Variants in ABCC4 observed in about 807,000 individuals in gnomAD.
ABCC4 encodes the protein ATP-binding cassette sub-family C member 4.
In ABCC4, 102 loss-of-function variants were observed where a neutral mutation model predicts 168.5. That is an observed-to-expected ratio of 0.61 (90% CI 0.52 to 0.71). ABCC4 has a LOEUF of 0.71. ABCC4 is among the 30% of genes least tolerant of loss of function. The pLI, the probability that ABCC4 is intolerant of heterozygous loss-of-function variation, is 0.00. For missense variants in ABCC4, 1,402 were observed against 1,605.8 expected (o/e 0.87, Z 2.17); for synonymous variants, 617 against 590.7 (o/e 1.04, Z -0.65).
At chr13:95,169,492 C>T (rs1218715553) in intron 14 of ABCC4, among the ~76,000 whole-genome samples, 1 of 152,184 alleles carries the variant, frequency 6.6e-6, no homozygotes, top group Admixed American at 6.5e-5. Context: ...GCTTGCTCTG[C>T]TCCTCCCTGA....
intron 25 of ABCC4, among the ~76,000 whole-genome samples, chr13:95,067,449 T>G (rs913657394): frequency 1.3e-5 from 2 of 152,168 alleles, no homozygotes; most frequent in African/African-American, 4.8e-5. Context: ...GGAAGTTTCT[T>G]GGAAATCACA....
At chr13:95,216,420 G>A (rs1224859810) in intron 4 of ABCC4, among the ~76,000 whole-genome samples, 1 of 151,898 alleles carries the variant, frequency 6.6e-6, no homozygotes, top group African/African-American at 2.4e-5. Context: ...TTTTCCCTGT[G>A]AAAACAAAAT....
chr13:95,285,197 G>C (rs112675015), intron 1 of ABCC4, among the ~76,000 whole-genome samples: 1,985 of 152,002 alleles, frequency 0.013, 42 homozygotes, highest in African/African-American at 0.045. Context: ...GCAATGAGCT[G>C]AGATCACACC....
At position 95,271,896 on chromosome 13, in the gene ABCC4, T is replaced by C. The variant is rs146506829; in HGVS notation, c.75-24143A>G. Among the ~76,000 whole-genome samples the C allele has an allele frequency of 2.9e-3, 443 of 152,282 alleles. 1 individual carries two copies. The highest frequency in any genetic ancestry group is 0.01 in the African/African-American group (426 of 41,558). ...TAACCACCCAAGAAGTCTGATCACATGCCTCTCCCCACCAACTTTAAGAAA... is the reference window on the plus strand; with the variant it reads ...TAACCACCCAAGAAGTCTGATCACACGCCTCTCCCCACCAACTTTAAGAAA... On this transcript the variant is annotated intron_variant, in intron 1 of 30. Transcript: ENST00000645237.
intron 8 of ABCC4, among the ~76,000 whole-genome samples, chr13:95,206,125 G>A (rs762987758): frequency 1.2e-4 from 18 of 152,304 alleles, no homozygotes; most frequent in Non-Finnish European, 7.4e-5. Flanking sequence ...TGACCAAGAA[G>A]CAGAGACCCC....
chr13:95,241,532 C>A (rs879415762), intron 3 of ABCC4, among the ~76,000 whole-genome samples: 2 of 152,066 alleles, frequency 1.3e-5, no homozygotes, highest in Admixed American at 6.5e-5. Context: ...CTCCTGCCCC[C>A]CCTGCAGGCT....
chr13:95,174,701 G>A (rs528525764), intron 13 of ABCC4, among the ~76,000 whole-genome samples: 5 of 152,200 alleles, frequency 3.3e-5, no homozygotes, highest in Non-Finnish European at 5.9e-5. Context: ...GCGTCCCACC[G>A]GGAATTGTTG....
chr13:95,218,921 AAGAAAG>A (rs1487513535), intron 4 of ABCC4, among the ~76,000 whole-genome samples: 633 of 24,754 alleles, frequency 0.026, 20 homozygotes, highest in Non-Finnish European at 0.044. Context: ...GAGAGAGAGA[AAGAAAG>A]AGAAAGAAAG....
intron 19 of ABCC4, among the ~76,000 whole-genome samples, chr13:95,144,282 G>C (rs2036415373): frequency 4.3e-5 from 4 of 92,498 alleles, no homozygotes. Context: ...TATAGGAATG[G>C]GCGACATAAC....
Position 95,244,904 on chromosome 13 carries a change from G to A in ABCC4, c.306+2071C>T, listed in dbSNP as rs972478086. 6.9e-4 allele frequency among the ~76,000 whole-genome samples: 67 copies of A among 97,652 alleles called. 1 individual carries two copies. The highest frequency in any genetic ancestry group is 3.1e-3 in the African/African-American group (63 of 20,252). The allele number at this position is 97,652 out of a possible 152,430, so 64.1% of individuals were successfully genotyped here. ...GCCATGACTGCCCAATAACCACCCC[G>A]CTAAAAGACCAGCTCTCCACCAACT... On this transcript the variant is annotated intron_variant, in intron 3 of 30. Transcript: ENST00000645237.
intron 25 of ABCC4, among the ~76,000 whole-genome samples, chr13:95,065,158 C>T (rs2033484555): frequency 6.6e-6 from 1 of 152,210 alleles, no homozygotes; most frequent in Non-Finnish European, 1.5e-5. Context: ...AGGCTCAAAA[C>T]ACCCATCTCC....
At chr13:95,204,405 G>C (rs572222263) in intron 8 of ABCC4, among the ~76,000 whole-genome samples, 20 of 151,964 alleles carry the variant, frequency 1.3e-4, no homozygotes, top group African/African-American at 4.4e-4. Context: ...CACGTGTCAA[G>C]GGTGGGACCA....
intron 30 of ABCC4, among the ~76,000 whole-genome samples, chr13:95,033,206 T>C (rs550622725): frequency 6.6e-6 from 1 of 152,262 alleles, no homozygotes; most frequent in South Asian, 2.1e-4. Context: ...TTGTCTGTAA[T>C]AGATATTTAA....
At position 95,177,777 on chromosome 13, in the gene ABCC4, C is replaced by T. The variant is rs758894016; in HGVS notation, c.1657G>A (p.Ala553Thr). 6.2e-7 allele frequency: 1 copy of T among 1,610,908 alleles called. No homozygotes were observed. The highest frequency in any genetic ancestry group is 8.5e-7 in the Non-Finnish European group (1 of 1,177,408). ...VNLARAVYQD[A>T]DIYLLDDPLS... The stretch of plus-strand genomic sequence containing the variant: ...GGATCGTCCAGGAGATAGATGTCAG[C>T]ATCTTGATACACTGCTCTAGAAAAT... The change falls in exon 13 of 31, where the codon GCT becomes ACT. Residue 553 changes from alanine (A) to threonine (T), a missense_variant. By Grantham distance (58) the Ala-to-Thr change is moderately conservative (BLOSUM62 0). Coordinates refer to ENST00000645237, the MANE Select transcript of ABCC4 (RefSeq NM_005845.5).
intron 26 of ABCC4, among the ~76,000 whole-genome samples, chr13:95,059,190 A>G (rs2033190289): frequency 6.6e-6 from 1 of 152,336 alleles, no homozygotes; most frequent in African/African-American, 2.4e-5. Context: ...AGGATCTGGC[A>G]TTGAGATTCG....
chr13:95,255,523 C>T (rs2040371495), intron 1 of ABCC4, among the ~76,000 whole-genome samples: 3 of 152,182 alleles, frequency 2.0e-5, no homozygotes, highest in Admixed American at 6.5e-5. Context: ...CACAGGTGTT[C>T]TCAACATGGT....
At chr13:95,131,309 A>G (rs1430680988) in intron 19 of ABCC4, among the ~76,000 whole-genome samples, 1 of 152,146 alleles carries the variant, frequency 6.6e-6, no homozygotes, top group East Asian at 1.9e-4. Context: ...CACAGGCTCC[A>G]TCACATGGGC....
intron 24 of ABCC4, among the ~76,000 whole-genome samples, chr13:95,072,188 C>T (rs934592929): frequency 3.9e-5 from 6 of 152,200 alleles, no homozygotes; most frequent in Admixed American, 6.5e-5. Context: ...TGGCTGGGCG[C>T]GGTGGCTCAT....
In ABCC4 at chr13:95,096,882, T is replaced by C. The variant is rs969514329; in HGVS notation, c.2536-13592A>G. Among the ~76,000 whole-genome samples, 56 of 152,056 alleles carry C rather than the reference T, an allele frequency of 3.7e-4. 1 individual carries two copies. The highest frequency in any genetic ancestry group is 3.0e-3 in the Admixed American group (46 of 15,272). ...AATAAAGAGCACTGGAAAGGACAAA[T>C]ATGTGAATAAATATAAAACACAATT... is the stretch of plus-strand genomic sequence containing the variant. On this transcript the variant is annotated intron_variant, in intron 20 of 30. Coordinates refer to ENST00000645237, the MANE Select transcript of ABCC4 (RefSeq NM_005845.5).
Sources: allele counts gnomAD v4.1 joint callset (sites outside exome capture counted in the v4.1 genomes callset), GRCh38; gene constraint gnomAD v4.1.1; transcripts MANE v1.5; gene names NCBI Gene and HGNC (gene_info 2026-07-23, HGNC 2026-07-21).